COL5A2: variants seen among roughly 807,000 people sequenced by gnomAD.
COL5A2 encodes the protein collagen alpha-2(V) chain.
Under a neutral mutation model 208.2 loss-of-function variants are expected in COL5A2, and 23 were observed. The observed-to-expected ratio is 0.11, with a 90% CI of 0.08 to 0.16. COL5A2 has a LOEUF of 0.16. COL5A2 is among the 10% of genes least tolerant of loss of function. The pLI is 1.00. For missense variants in COL5A2, 1,590 were observed against 1,956.4 expected (o/e 0.81, Z 3.53); for synonymous variants, 625 against 628.5 (o/e 0.99, Z 0.08).
chr2:189,262,233 C>T, the COL5A2 span, among the ~76,000 whole-genome samples: 2 of 152,148 alleles, frequency 1.3e-5, no homozygotes, highest in Admixed American at 6.5e-5. Context: ...ATTAGCAGCA[C>T]CAAATGTAAG....
intron 1 of COL5A2, among the ~76,000 whole-genome samples, chr2:189,149,078 T>G (rs1688095516): frequency 6.6e-6 from 1 of 152,160 alleles, no homozygotes; most frequent in Admixed American, 6.5e-5. Flanking sequence ...AGTCAGAGGT[T>G]GCAGTGAGCC....
chr2:189,331,335 C>T, the COL5A2 span, among the ~76,000 whole-genome samples: 2 of 152,072 alleles, frequency 1.3e-5, no homozygotes, highest in Admixed American at 6.6e-5. Context: ...TTGAGACCAT[C>T]CTGGTCAACA....
intron 19 of COL5A2, 117 bp downstream of exon 19, chr2:189,068,669 A>C (rs962712554): frequency 1.3e-5 from 10 of 747,496 alleles, no homozygotes; most frequent in Non-Finnish European, 2.1e-5. Context: ...CATTACAGGT[A>C]CCCCCTAAAT....
chr2:189,230,427 A>T, the COL5A2 span, among the ~76,000 whole-genome samples: 1 of 151,944 alleles, frequency 6.6e-6, no homozygotes, highest in Admixed American at 6.6e-5. Context: ...TATATATCTG[A>T]TCAAGTATTC....
rs377334807 is a variant in COL5A2 at position 189,049,463 on chromosome 2, G to T, written c.3040-9C>A. 1.0e-5 allele frequency: 16 copies of T among 1,603,046 alleles called. No individual in the cohort carries two copies. Among genetic ancestry groups the T allele is most frequent in the African/African-American group, 1.3e-5 (1 of 74,778 alleles). ...ACTTTTCCTGGTGTTCCCTGAAATA[G>T]AAGTATAAATGTCAAACACTTGTGA... On this transcript the variant is annotated splice_polypyrimidine_tract_variant and intron_variant, in intron 43 of 53. Coordinates refer to ENST00000374866, the MANE Select transcript of COL5A2 (RefSeq NM_000393.5).
intron 1 of COL5A2, among the ~76,000 whole-genome samples, chr2:189,132,430 G>GAT (rs1687734001): frequency 1.3e-5 from 2 of 152,194 alleles, no homozygotes; most frequent in Admixed American, 1.3e-4. Context: ...CCTGGCTGCA[G>GAT]ATATTAAGTA....
chr2:189,345,277 G>C, the COL5A2 span, among the ~76,000 whole-genome samples: 3 of 152,282 alleles, frequency 2.0e-5, no homozygotes, highest in East Asian at 5.8e-4. Flanking sequence ...GTTTCACCTT[G>C]GTATAAGTCA....
intron 40 of COL5A2, 74 bp downstream of exon 40, chr2:189,052,675 C>A: frequency 2.8e-6 from 4 of 1,406,088 alleles, no homozygotes; most frequent in South Asian, 2.3e-5. Flanking sequence ...TGAAAATTAT[C>A]TTTTACATGA....
chr2:189,317,848 T>C, the COL5A2 span, among the ~76,000 whole-genome samples: 3 of 152,158 alleles, frequency 2.0e-5, no homozygotes, highest in African/African-American at 7.2e-5. Context: ...CAATCAAAAC[T>C]ATTCAAATTG....
chr2:189,322,347 T>A, the COL5A2 span, among the ~76,000 whole-genome samples: 19 of 152,034 alleles, frequency 1.2e-4, no homozygotes, highest in African/African-American at 4.3e-4. Context: ...CTGAAGGACA[T>A]AGAGACACAA....
At chr2:189,421,747 C>G in the COL5A2 span, among the ~76,000 whole-genome samples, 54 of 152,326 alleles carry the variant, frequency 3.5e-4, 3 homozygotes, top group South Asian at 0.011. Flanking sequence ...TGACCATCTA[C>G]AGTGGCCTTG....
intron 1 of COL5A2, among the ~76,000 whole-genome samples, chr2:189,117,258 T>C (rs1322637593): frequency 6.6e-6 from 1 of 152,156 alleles, no homozygotes; most frequent in African/African-American, 2.4e-5. Context: ...GCATTTGACA[T>C]AGATTTTTTT....
At chr2:189,064,684 G>A in intron 24 of COL5A2, 29 bp from the exon 25 acceptor site, 1 of 1,449,830 alleles carries the variant, frequency 6.9e-7, no homozygotes, top group Non-Finnish European at 9.7e-7. Flanking sequence ...GATGCATGAA[G>A]AAAAAGAGTA....
At chr2:189,203,334 G>A (rs1034721800) in intron 1 of COL5A2, among the ~76,000 whole-genome samples, 4 of 152,150 alleles carry the variant, frequency 2.6e-5, no homozygotes, top group African/African-American at 7.2e-5. Context: ...AAATACAGGA[G>A]AAACTCTAGT....
At chr2:189,090,219 G>A (rs911483756) in intron 7 of COL5A2, among the ~76,000 whole-genome samples, 2 of 152,154 alleles carry the variant, frequency 1.3e-5, no homozygotes, top group Non-Finnish European at 2.9e-5. Flanking sequence ...TTAGTAGTCT[G>A]GATAGAAGAT....
the COL5A2 span, among the ~76,000 whole-genome samples, chr2:189,318,744 T>G: frequency 1.3e-5 from 2 of 152,184 alleles, no homozygotes; most frequent in Non-Finnish European, 2.9e-5. Context: ...TCACTTCATC[T>G]CCTCTCTCAG....
chr2:189,392,985 T>C, the COL5A2 span, among the ~76,000 whole-genome samples: 2 of 152,186 alleles, frequency 1.3e-5, no homozygotes, highest in African/African-American at 2.4e-5. Context: ...TATAGTCATA[T>C]CTTATTGCTT....
intron 12 of COL5A2, among the ~76,000 whole-genome samples, chr2:189,083,240 G>A (rs1185794763): frequency 5.3e-5 from 8 of 152,102 alleles, no homozygotes; most frequent in Admixed American, 2.0e-4. Context: ...CATGGCCAGC[G>A]TAACACATTC....
In COL5A2 at chr2:189,032,076, G is replaced by A. The variant is rs371484723; in HGVS notation, c.*1994C>T. The A allele has an allele frequency of 4.2e-4, 64 of 152,080 alleles. No individual in the cohort carries two copies. Among genetic ancestry groups the A allele is most frequent in the African/African-American group, 1.5e-3 (64 of 41,422 alleles). The allele number at this position is 152,080 out of a possible 1,614,324, so 9.4% of individuals were successfully genotyped here. On this transcript the variant is annotated 3_prime_UTR_variant, in exon 54 of 54. Transcript: ENST00000374866. ...TGGAAGTCAAACAAAACTCACACAT[G>A]TATTTAGGCATATAAATACTCAAAT... is the stretch of plus-strand genomic sequence containing the variant.
Sources: gnomAD v4.1 joint callset for allele counts (sites outside exome capture counted in the v4.1 genomes callset) on GRCh38, gnomAD v4.1.1 for gene constraint, MANE v1.5 for transcripts, NCBI Gene and HGNC (gene_info 2026-07-23, HGNC 2026-07-21) for gene names.